Variants in STX6 observed in about 807,000 individuals in gnomAD.
STX6 encodes the protein syntaxin 6.
Under a neutral mutation model 38.0 loss-of-function variants are expected in STX6, and 23 were observed. The ratio of observed to expected loss-of-function variants is 0.60; its 90% CI spans 0.43 to 0.86. The LOEUF is 0.86. Among genes scored for constraint, STX6 ranks in the 40% least tolerant of loss-of-function variants. The pLI, the probability that STX6 is intolerant of heterozygous loss-of-function variation, is 0.00. For missense variants in STX6, 274 were observed against 312.9 expected, an observed-to-expected ratio of 0.88 and a Z score of 0.94; for synonymous variants, 123 against 107.5, an observed-to-expected ratio of 1.14 and a Z score of -0.89.
At position 180,974,514 on chromosome 1, in the gene STX6, C is replaced by A. The variant is rs1655198857; in HGVS notation, c.*2056G>T. The A allele has an allele frequency of 6.6e-6, 1 of 152,668 alleles. No individual in the cohort carries two copies. The allele number at this position is 152,668 out of a possible 1,614,324, so 9.5% of individuals were successfully genotyped here. On this transcript the variant is annotated 3_prime_UTR_variant, in exon 8 of 8. Coordinates refer to ENST00000258301, the MANE Select transcript of STX6 (RefSeq NM_005819.6). ...TTGTTCCAAACGGCCCCTGCTGACA[C>A]ACATGATCCTTTTGTGTGGCACAAT... is the stretch of plus-strand genomic sequence containing the variant.
chr1:180,985,512 C>T (rs866720081), intron 6 of STX6, among the ~76,000 whole-genome samples: 1 of 152,182 alleles, frequency 6.6e-6, no homozygotes, highest in African/African-American at 2.4e-5. Context: ...CCCAGAAGGC[C>T]TCAGGACTAA....
intron 3 of STX6, among the ~76,000 whole-genome samples, chr1:181,000,955 G>A (rs930111989): frequency 1.3e-5 from 2 of 151,546 alleles, no homozygotes; most frequent in Non-Finnish European, 2.9e-5. Context: ...TAACAACAAG[G>A]CTTCCTCATC....
At chr1:180,987,482 TCC>T (rs1382541636) in intron 6 of STX6, among the ~76,000 whole-genome samples, 1 of 152,166 alleles carries the variant, frequency 6.6e-6, no homozygotes, top group African/African-American at 2.4e-5. Flanking sequence ...CCCTTCTATA[TCC>T]CTTGGCTTCC....
chr1:180,996,941 G>C (rs1345670640), intron 3 of STX6, among the ~76,000 whole-genome samples: 1 of 152,136 alleles, frequency 6.6e-6, no homozygotes, highest in Non-Finnish European at 1.5e-5. Context: ...TGCTCACAAA[G>C]ATGGTCACTG....
chr1:180,986,272 A>G (rs1655579638), intron 6 of STX6, among the ~76,000 whole-genome samples: 1 of 152,262 alleles, frequency 6.6e-6, no homozygotes, highest in Admixed American at 6.5e-5. Context: ...GTTTGTAAAA[A>G]TTTCAAAAGA....
chr1:180,998,377 ACTT>A (rs901999967), intron 3 of STX6, among the ~76,000 whole-genome samples: 1 of 149,812 alleles, frequency 6.7e-6, no homozygotes, highest in African/African-American at 2.4e-5. Flanking sequence ...TATGGCTTTC[ACTT>A]CTTTTTTTTT....
chr1:181,000,721 T>C (rs1342787202), intron 3 of STX6, among the ~76,000 whole-genome samples: 2 of 152,152 alleles, frequency 1.3e-5, no homozygotes, highest in Non-Finnish European at 2.9e-5. Context: ...ACTTAATTTT[T>C]AATATACGAA....
intron 6 of STX6, among the ~76,000 whole-genome samples, chr1:180,987,480 T>C (rs986005986): frequency 1.3e-5 from 2 of 152,254 alleles, no homozygotes; most frequent in African/African-American, 4.8e-5. Context: ...TTCCCTTCTA[T>C]ATCCCTTGGC....
intron 7 of STX6, among the ~76,000 whole-genome samples, chr1:180,978,804 A>G (rs967943255): frequency 1.1e-4 from 16 of 152,206 alleles, no homozygotes; most frequent in African/African-American, 3.9e-4. Flanking sequence ...ACCTAATCAC[A>G]GGACTAGAAA....
At chr1:180,989,923 G>A in intron 5 of STX6, 61 bp downstream of exon 5, 6 of 1,594,630 alleles carry the variant, frequency 3.8e-6, no homozygotes, top group Middle Eastern at 2.3e-4. Context: ...GGCTGGCAAA[G>A]GAACTAAGGG....
intron 1 of STX6, among the ~76,000 whole-genome samples, chr1:181,008,247 T>A (rs796256851): frequency 1.3e-5 from 2 of 152,220 alleles, no homozygotes; most frequent in African/African-American, 2.4e-5. Flanking sequence ...TCTCAGTCAT[T>A]AGGGCGCTTT....
At chr1:181,022,358 G>A (rs1408506822) in intron 1 of STX6, among the ~76,000 whole-genome samples, 1 of 152,174 alleles carries the variant, frequency 6.6e-6, no homozygotes. Flanking sequence ...CAGAGCTGCT[G>A]AGCCCCTCGG....
At chr1:180,988,550 G>A in intron 5 of STX6, 1 of 493,036 alleles carries the variant, frequency 2.0e-6, no homozygotes, top group Admixed American at 3.4e-5. Flanking sequence ...ATCTCCTGCT[G>A]ATCCAACTTG....
At chr1:181,022,553 C>T in intron 1 of STX6, 86 bp downstream of exon 1, 2 of 1,431,280 alleles carry the variant, frequency 1.4e-6, no homozygotes, top group Non-Finnish European at 1.9e-6. Flanking sequence ...CTTGCCTCCC[C>T]TCCCCCCACT....
Position 181,022,765 on chromosome 1 carries a change from C to T in STX6, c.-92G>A. The T allele has an allele frequency of 7.5e-7, 1 of 1,326,416 alleles. No homozygotes were observed. The highest frequency in any genetic ancestry group is 1.1e-6 in the Non-Finnish European group (1 of 952,110). 82.2% of individuals were successfully genotyped at this position (1,326,416 alleles called of 1,614,324 possible). The stretch of plus-strand genomic sequence containing the variant: ...CCGCCCACCCCGCCTGTTCCCGCAG[C>T]TGCCCGCGCCTTAGTCTGGGTGAAG... On this transcript the variant is annotated 5_prime_UTR_variant, in exon 1 of 8. Coordinates refer to ENST00000258301, the MANE Select transcript of STX6 (RefSeq NM_005819.6).
chr1:181,011,091 C>A (rs1314253506), intron 1 of STX6, among the ~76,000 whole-genome samples: 1 of 152,228 alleles, frequency 6.6e-6, no homozygotes, highest in South Asian at 2.1e-4. Flanking sequence ...CAGCACCCTA[C>A]AGGCCTGACC....
At chr1:181,000,772 C>T (rs1416701094) in intron 3 of STX6, among the ~76,000 whole-genome samples, 2 of 149,322 alleles carry the variant, frequency 1.3e-5, no homozygotes, top group African/African-American at 2.5e-5. Flanking sequence ...GTCTACCTTG[C>T]AGAAATAAAT....
At chr1:181,018,388 CAAAAAAAAA>C (rs34962747) in intron 1 of STX6, among the ~76,000 whole-genome samples, 55 of 43,050 alleles carry the variant, frequency 1.3e-3, no homozygotes, top group African/African-American at 4.4e-3. Context: ...GACTCTGTCC[CAAAAAAAAA>C]AAAAAAAAAA....
intron 1 of STX6, among the ~76,000 whole-genome samples, chr1:181,015,489 A>T (rs767245650): frequency 6.6e-6 from 1 of 152,096 alleles, no homozygotes; most frequent in Non-Finnish European, 1.5e-5. Context: ...CCAATCACTG[A>T]ATTTTCAGAT....
Sources: gnomAD v4.1 joint callset for allele counts (sites outside exome capture counted in the v4.1 genomes callset) on GRCh38, gnomAD v4.1.1 for gene constraint, MANE v1.5 for transcripts, NCBI Gene and HGNC (gene_info 2026-07-23, HGNC 2026-07-21) for gene names.